The following MAGI2 variants were observed in gnomAD, a reference collection of about 807,000 sequenced individuals.
The protein encoded by MAGI2 is membrane associated guanylate kinase, WW and PDZ domain containing 2.
In MAGI2, 35 loss-of-function variants were observed where a neutral mutation model predicts 133.3. The ratio of observed to expected loss-of-function variants is 0.26; its 90% CI spans 0.20 to 0.35. MAGI2 has a LOEUF of 0.35. Ranked by LOEUF, MAGI2 falls within the 10% of genes least tolerant of loss-of-function variation. The pLI, the probability that MAGI2 is intolerant of heterozygous loss-of-function variation, is 1.00. For synonymous variants in MAGI2, 729 were observed against 710.6 expected (o/e 1.03, Z -0.41); for missense variants, 1,636 against 1,863.4 (o/e 0.88, Z 2.25).
At chr7:78,446,052 TTG>T (rs539734331) in intron 6 of MAGI2, among the ~76,000 whole-genome samples, 2 of 151,496 alleles carry the variant, frequency 1.3e-5, no homozygotes, top group African/African-American at 4.8e-5. Context: ...TTCTTTTGTC[TTG>T]TAATTTCGTC....
chr7:78,659,358 A>C (rs1219719461), intron 2 of MAGI2, among the ~76,000 whole-genome samples: 1 of 138,144 alleles, frequency 7.2e-6, no homozygotes, highest in Non-Finnish European at 1.5e-5. Flanking sequence ...CCGGGAGGTG[A>C]AGGTTGCAGT....
At chr7:78,489,021 CAG>C (rs1283253516) in intron 6 of MAGI2, among the ~76,000 whole-genome samples, 3 of 152,012 alleles carry the variant, frequency 2.0e-5, no homozygotes, top group Admixed American at 6.6e-5. Context: ...AATAAATCAT[CAG>C]AGAGTATGCT....
At chr7:78,127,776 G>A (rs1821143583) in intron 18 of MAGI2, among the ~76,000 whole-genome samples, 1 of 152,098 alleles carries the variant, frequency 6.6e-6, no homozygotes, top group Non-Finnish European at 1.5e-5. Context: ...CAAGACATCA[G>A]CCTATCTTAA....
intron 2 of MAGI2, among the ~76,000 whole-genome samples, chr7:78,763,116 G>A (rs1278396340): frequency 3.9e-5 from 6 of 152,134 alleles, no homozygotes; most frequent in Admixed American, 3.3e-4. Context: ...TCAGGTTCAG[G>A]GGATATGTAC....
chr7:79,058,166 G>C (rs1813341257), intron 1 of MAGI2, among the ~76,000 whole-genome samples: 1 of 151,918 alleles, frequency 6.6e-6, no homozygotes, highest in African/African-American at 2.4e-5. Flanking sequence ...AAAATGCGAT[G>C]GGATACAAAT....
chr7:78,443,066 G>C (rs940347548), intron 6 of MAGI2, among the ~76,000 whole-genome samples: 4 of 151,264 alleles, frequency 2.6e-5, no homozygotes, highest in Admixed American at 1.3e-4. Flanking sequence ...TTATTGCACA[G>C]TAAGCATGTG....
rs761441609 is a variant in MAGI2, at chr7:79,027,956, T to C, written c.302-20750A>G. On this transcript the variant is annotated intron_variant, in intron 1 of 21. Transcript: ENST00000354212. The stretch of plus-strand genomic sequence containing the variant: ...GAGGACAGTAAGAAAAACATTACAG[T>C]AAAAAACATATCTTTGGGAGGCCAA... 5.7e-4 allele frequency among the ~76,000 whole-genome samples: 87 copies of C among 151,610 alleles called. 1 individual carries two copies. The highest frequency in any genetic ancestry group is 9.3e-4 in the Non-Finnish European group (63 of 67,908).
chr7:78,623,659 C>A (rs1027026195), intron 3 of MAGI2, among the ~76,000 whole-genome samples: 1 of 152,010 alleles, frequency 6.6e-6, no homozygotes, highest in African/African-American at 2.4e-5. Context: ...GCAATTTAGG[C>A]AAATGTCTCC....
At chr7:78,247,417 G>A (rs1054417710) in intron 10 of MAGI2, among the ~76,000 whole-genome samples, 2 of 151,934 alleles carry the variant, frequency 1.3e-5, no homozygotes, top group African/African-American at 2.4e-5. Context: ...CCTACCAAAG[G>A]AACACAATAA....
chr7:79,052,822 G>A (rs1478866018), intron 1 of MAGI2, among the ~76,000 whole-genome samples: 1 of 151,948 alleles, frequency 6.6e-6, no homozygotes, highest in Non-Finnish European at 1.5e-5. Flanking sequence ...TTAATACCTG[G>A]TCTAAGGGTA....
chr7:78,871,875 G>A (rs1017661789), intron 2 of MAGI2, among the ~76,000 whole-genome samples: 1 of 151,938 alleles, frequency 6.6e-6, no homozygotes, highest in Non-Finnish European at 1.5e-5. Context: ...AGGAAAGATT[G>A]AGATTTTAAA....
rs576987080 is a variant in MAGI2 at position 78,386,160 on chromosome 7, GAATAC to G, written c.1046-16952_1046-16948del. 7.2e-5 allele frequency among the ~76,000 whole-genome samples: 11 copies of G among 152,024 alleles called. No individual in the cohort carries two copies. In the South Asian group the frequency reaches 2.3e-3, roughly 32 times the overall value. On this transcript the variant is annotated intron_variant, in intron 6 of 21. Transcript: ENST00000354212. ...TAAAAAATGTAATCTCTTCTTAATG[GAATAC>G]AAAATCCCTTTTGATAAAATTATAA...
chr7:79,441,255 G>C (rs1848476594), intron 1 of MAGI2, among the ~76,000 whole-genome samples: 1 of 152,130 alleles, frequency 6.6e-6, no homozygotes, highest in African/African-American at 2.4e-5. Flanking sequence ...TACATTCCAG[G>C]TAGACAACCA....
intron 20 of MAGI2, among the ~76,000 whole-genome samples, chr7:78,120,941 C>T (rs2150497189): frequency 7.6e-6 from 1 of 131,942 alleles, no homozygotes; most frequent in South Asian, 2.4e-4. Context: ...GCGGAGCTTG[C>T]AGTGAGCCGA....
chr7:79,031,597 CTT>C (rs1373587921), intron 1 of MAGI2, among the ~76,000 whole-genome samples: 4 of 152,204 alleles, frequency 2.6e-5, no homozygotes, highest in Admixed American at 6.5e-5. Flanking sequence ...TATGCCAACT[CTT>C]TATAGTTCAG....
intron 2 of MAGI2, among the ~76,000 whole-genome samples, chr7:78,642,178 C>T (rs573737576): frequency 6.6e-6 from 1 of 152,194 alleles, no homozygotes; most frequent in East Asian, 1.9e-4. Context: ...AATCAAGTTA[C>T]TTATCATTTA....
At chr7:78,149,435 A>G (rs1823646530) in intron 16 of MAGI2, among the ~76,000 whole-genome samples, 1 of 152,186 alleles carries the variant, frequency 6.6e-6, no homozygotes, top group South Asian at 2.1e-4. Context: ...AAAGCTTGTG[A>G]TCATACACAT....
chr7:78,529,738 A>G (rs1358596157), intron 3 of MAGI2, among the ~76,000 whole-genome samples: 2 of 118,058 alleles, frequency 1.7e-5, no homozygotes, highest in African/African-American at 6.5e-5. Context: ...GCTGGTCTCG[A>G]ACTCCTAGCC....
intron 2 of MAGI2, among the ~76,000 whole-genome samples, chr7:78,708,741 T>C (rs1260960521): frequency 6.6e-6 from 1 of 152,106 alleles, no homozygotes; most frequent in Non-Finnish European, 1.5e-5. Flanking sequence ...CACCCTCACA[T>C]CAACCCTTTA....
Sources: gnomAD v4.1 joint callset for allele counts (sites outside exome capture counted in the v4.1 genomes callset) on GRCh38, gnomAD v4.1.1 for gene constraint, MANE v1.5 for transcripts, NCBI Gene and HGNC (gene_info 2026-07-23, HGNC 2026-07-21) for gene names.